Variants in MAU2 observed in about 807,000 individuals in gnomAD.
The protein encoded by MAU2 is MAU2 sister chromatid cohesion factor.
A neutral mutation model predicts 89.1 loss-of-function variants in MAU2; 9 were observed. That is an observed-to-expected ratio of 0.10 (90% CI 0.06 to 0.18). MAU2 has a LOEUF of 0.18. Ranked by LOEUF, MAU2 falls within the 10% of genes least tolerant of loss-of-function variation. The probability of loss-of-function intolerance (pLI) is 1.00; values close to 1 mark genes in which losing one functional copy is unlikely to be tolerated. For missense variants in MAU2, 425 were observed against 803.5 expected (o/e 0.53, Z 5.69); for synonymous variants, 357 against 343.4 (o/e 1.04, Z -0.44).
chr19:19,323,334 A>G (rs886238649), intron 1 of MAU2, among the ~76,000 whole-genome samples: 5 of 151,856 alleles, frequency 3.3e-5, no homozygotes, highest in Admixed American at 1.3e-4. Flanking sequence ...AGCTGGGATT[A>G]CAGGCTTGCA....
Position 19,345,152 on chromosome 19 carries a change from C to T in MAU2, c.1156-152C>T, listed in dbSNP as rs2061682903. On this transcript the variant is annotated intron_variant, in intron 11 of 18. Coordinates refer to ENST00000262815, the MANE Select transcript of MAU2 (RefSeq NM_015329.4). This position sits in a 1 kb window ranked among gnomAD's most constrained non-coding sequence, Gnocchi z 4.9. ...TTGGCTTGGGTCTGAAAGGTGGGGA[C>T]AGTGAGCATATTACCTGCCTTGCAG... 2 of 749,336 alleles carry T rather than the reference C, an allele frequency of 2.7e-6. No individual in the cohort carries two copies. Among genetic ancestry groups the T allele is most frequent in the South Asian group, 1.6e-5 (1 of 61,008 alleles). The allele number at this position is 749,336 out of a possible 1,614,324, so 46.4% of individuals were successfully genotyped here. A position where few individuals can be genotyped will look rare whatever the true frequency, so the allele number is the denominator to read the frequency against.
chr19:19,346,291 C>T (rs752064996), intron 12 of MAU2, among the ~76,000 whole-genome samples: 6 of 152,114 alleles, frequency 3.9e-5, no homozygotes, highest in East Asian at 1.9e-4. Flanking sequence ...GGACCCTCCT[C>T]GTGGCCCTGC....
intron 1 of MAU2, among the ~76,000 whole-genome samples, chr19:19,327,386 C>T (rs1244929393): frequency 1.3e-5 from 2 of 151,722 alleles, no homozygotes. Context: ...AGTGCAATGG[C>T]GCGATCTCGG....
chr19:19,334,317 G>C, intron 1 of MAU2: 2 of 985,602 alleles, frequency 2.0e-6, no homozygotes, highest in East Asian at 2.3e-4. Flanking sequence ...CAGAGGGCCT[G>C]TGGTCTGGGC....
At chr19:19,334,525 C>G (rs2061581005) in intron 1 of MAU2, 1 of 985,698 alleles carries the variant, frequency 1.0e-6, no homozygotes, top group South Asian at 4.7e-5. Context: ...ATCTCCAGGC[C>G]TCACTGGCTC....
At chr19:19,324,921 A>G (rs1247404794) in intron 1 of MAU2, among the ~76,000 whole-genome samples, 1 of 151,724 alleles carries the variant, frequency 6.6e-6, no homozygotes, top group Admixed American at 6.6e-5. Flanking sequence ...TTCTTTATTA[A>G]TTGTGCATTT....
intron 1 of MAU2, among the ~76,000 whole-genome samples, chr19:19,325,274 C>G (rs896570555): frequency 4.6e-5 from 7 of 152,182 alleles, no homozygotes; most frequent in Non-Finnish European, 1.0e-4. Context: ...CTCCCGGGTT[C>G]AAGCGAGTCT....
At chr19:19,337,744 G>T (rs1362781234) in intron 4 of MAU2, among the ~76,000 whole-genome samples, 1 of 152,168 alleles carries the variant, frequency 6.6e-6, no homozygotes, top group Non-Finnish European at 1.5e-5. Context: ...CCCACATGGG[G>T]CCCCTCACGT....
At chr19:19,335,368 C>T (rs2061587889) in intron 1 of MAU2, among the ~76,000 whole-genome samples, 1 of 152,228 alleles carries the variant, frequency 6.6e-6, no homozygotes, top group Non-Finnish European at 1.5e-5. Flanking sequence ...TTCCGTGTGA[C>T]ACCTGGGGGC....
chr19:19,338,745 C>G, intron 4 of MAU2, 100 bp from the exon 5 acceptor site: 1 of 774,494 alleles, frequency 1.3e-6, no homozygotes, highest in East Asian at 2.6e-5. Flanking sequence ...GTTTCACTGA[C>G]GTGGGGAGGT....
intron 17 of MAU2, chr19:19,355,052 C>T (rs1339163025): frequency 1.8e-6 from 1 of 569,830 alleles, no homozygotes; most frequent in East Asian, 3.0e-5. Context: ...ATTGGGCTTT[C>T]ACTGCCCAGC....
rs1568643021 is a variant in MAU2, at chr19:19,320,880, A to AGCGGCCCAGGCGGCGGCGGCC, written c.22_42dup (p.Ala8_Ala14dup). The AGCGGCCCAGGCGGCGGCGGCC allele has an allele frequency of 1.3e-6, 2 of 1,515,920 alleles. No individual in the cohort carries two copies. The highest frequency in any genetic ancestry group is 8.8e-7 in the Non-Finnish European group (1 of 1,133,310). 93.9% of individuals were successfully genotyped at this position (1,515,920 alleles called of 1,614,324 possible). A position where few individuals can be genotyped will look rare whatever the true frequency, so the allele number is the denominator to read the frequency against. On this transcript the variant is annotated inframe_insertion, in exon 1 of 19. Coordinates refer to ENST00000262815, the MANE Select transcript of MAU2 (RefSeq NM_015329.4). ...CCAAAATGGCGGCTCAGGCGGCGGC[A>AGCGGCCCAGGCGGCGGCGGCC]GCGGCCCAGGCGGCGGCGGCCCAGG...
chr19:19,348,744 G>T, intron 13 of MAU2, 145 bp from the exon 14 acceptor site: 2 of 862,464 alleles, frequency 2.3e-6, no homozygotes, highest in Non-Finnish European at 1.9e-6. Flanking sequence ...ACCAGAGGCT[G>T]CTCTTGCTGG....
chr19:19,342,571 C>T lies in MAU2; in HGVS notation c.772C>T (p.Gln258Ter). ...GAAGCCGTGTCTGAAGCAGCTGCAG[C>T]AGTGCATCCAGACCATCTCCACACT... ...SVKPCLKQLQ[Q>*]CIQTISTLHD... Residue 258 changes from glutamine to a stop codon, truncating the protein, a stop_gained, in exon 8 of 19, where the codon CAG becomes TAG. Coordinates refer to ENST00000262815, the MANE Select transcript of MAU2 (RefSeq NM_015329.4). LOFTEE classifies it high-confidence loss of function. 6.2e-7 allele frequency: 1 copy of T among 1,608,350 alleles called. No homozygotes were observed.
chr19:19,321,221 G>T (rs933072725), intron 1 of MAU2, 86 bp downstream of exon 1: 21 of 1,376,944 alleles, frequency 1.5e-5, no homozygotes, highest in Admixed American at 3.2e-5. Flanking sequence ...CGGGTGGGGG[G>T]CCGCTCCTCG....
Position 19,358,695 on chromosome 19 carries a change from G to C in MAU2, c.*2913G>C, listed in dbSNP as rs1316724760. 1 of 152,222 alleles carries C rather than the reference G, an allele frequency of 6.6e-6. No homozygotes were observed. Among genetic ancestry groups the C allele is most frequent in the African/African-American group, 2.4e-5 (1 of 41,460 alleles). 9.4% of individuals were successfully genotyped at this position (152,222 alleles called of 1,614,324 possible). On this transcript the variant is annotated 3_prime_UTR_variant, in exon 19 of 19. Transcript: ENST00000262815. ...TTAAAAGACATAACCATAGAACATA[G>C]CTTCCTGTTTGTGGATTTTGTTTCC...
intron 1 of MAU2, among the ~76,000 whole-genome samples, chr19:19,328,179 T>A (rs907277241): frequency 8.6e-5 from 13 of 150,378 alleles, no homozygotes; most frequent in East Asian, 5.9e-4. Context: ...AAAAAAAAAA[T>A]TTTGCAATGC....
intron 13 of MAU2, chr19:19,348,672 AGGACAG>A: frequency 1.5e-6 from 1 of 649,826 alleles, no homozygotes; most frequent in Non-Finnish European, 2.8e-6. Context: ...CACCTACTGC[AGGACAG>A]GGTGGCACAG....
At chr19:19,341,911 G>A (rs569826836) in intron 7 of MAU2, among the ~76,000 whole-genome samples, 3 of 152,256 alleles carry the variant, frequency 2.0e-5, no homozygotes, top group Middle Eastern at 3.4e-3. Context: ...TCAGCCCTTC[G>A]GGGGCTGGGG....
Sources: allele counts gnomAD v4.1 joint callset (sites outside exome capture counted in the v4.1 genomes callset), GRCh38; gene constraint gnomAD v4.1.1; non-coding constraint Gnocchi (gnomAD v3.1); transcripts MANE v1.5; gene names NCBI Gene and HGNC (gene_info 2026-07-23, HGNC 2026-07-21).